Variants in SLC38A4 observed in about 807,000 individuals in gnomAD.
The protein encoded by SLC38A4 is sodium-coupled neutral amino acid transporter 4.
A neutral mutation model predicts 63.1 loss-of-function variants in SLC38A4; 20 were observed. The observed-to-expected ratio is 0.32, with a 90% CI of 0.22 to 0.46. The LOEUF (loss-of-function observed/expected upper bound fraction) is 0.46, where lower values mean the gene tolerates loss of function less well. SLC38A4 is among the 20% of genes least tolerant of loss of function. The probability of loss-of-function intolerance (pLI) is 1.00; values close to 1 mark genes in which losing one functional copy is unlikely to be tolerated. For synonymous variants in SLC38A4, 230 were observed against 225.5 expected, an observed-to-expected ratio of 1.02 and a Z score of -0.18; for missense variants, 526 against 663.6, an observed-to-expected ratio of 0.79 and a Z score of 2.28.
chr12:46,827,091 C>A (rs538173609), upstream of SLC38A4, among the ~76,000 whole-genome samples: 2 of 152,264 alleles, frequency 1.3e-5, no homozygotes, highest in South Asian at 4.1e-4. Flanking sequence ...TCATTTTAAT[C>A]ATGAATACAC....
chr12:46,786,352 G>A (rs1465583514), intron 5 of SLC38A4, among the ~76,000 whole-genome samples: 1 of 151,974 alleles, frequency 6.6e-6, no homozygotes, highest in Non-Finnish European at 1.5e-5. Context: ...GGGCTACTTA[G>A]ACACACAAAA....
chr12:46,776,175 C>A (rs1280249132), intron 13 of SLC38A4, among the ~76,000 whole-genome samples: 1 of 152,018 alleles, frequency 6.6e-6, no homozygotes, highest in Non-Finnish European at 1.5e-5. Flanking sequence ...TATTGATACA[C>A]TGATTCATGT....
intron 5 of SLC38A4, among the ~76,000 whole-genome samples, chr12:46,786,594 T>G (rs983119362): frequency 6.6e-6 from 1 of 152,186 alleles, no homozygotes; most frequent in Admixed American, 6.6e-5. Context: ...CAGCTTTTTT[T>G]GTCTTAGAGG....
Position 46,778,365 on chromosome 12 carries a change from C to G in SLC38A4, c.997G>C (p.Ala333Pro). ...PKYFVFNSRT[A>P]YAIPILVFAF... Reference sequence around the variant, plus strand: ...AATACTAGGATAGGAATTGCATAGGCCGTCTGAAAAACAAAGACAACACCA... The same window carrying G: ...AATACTAGGATAGGAATTGCATAGGGCGTCTGAAAAACAAAGACAACACCA... Residue 333 changes from alanine to proline, a missense_variant, in exon 12 of 17, where the codon GCC becomes CCC. Physicochemically the swap from Ala to Pro is conservative, Grantham distance 27. Transcript: ENST00000266579. 1 of 1,612,582 alleles carries G rather than the reference C, an allele frequency of 6.2e-7. No individual in the cohort carries two copies. The highest frequency in any genetic ancestry group is 8.5e-7 in the Non-Finnish European group (1 of 1,179,124).
In SLC38A4 at chr12:46,769,330, A is replaced by G. The variant is rs1849215379; in HGVS notation, c.1398T>C (p.Val466=). 6.2e-7 allele frequency: 1 copy of G among 1,613,454 alleles called. No individual in the cohort carries two copies. Among genetic ancestry groups the G allele is most frequent in the Non-Finnish European group, 8.5e-7 (1 of 1,179,554 alleles). ...IAAVLIALNN[V]LVILVPTIKY... is the part of the protein sequence containing the mutation. Reference sequence around the variant, plus strand: ...TTATAGTTGGCACAAGGATGACCAGAACATTATTAAGTGCAATAAGCACAG... The same window carrying G: ...TTATAGTTGGCACAAGGATGACCAGGACATTATTAAGTGCAATAAGCACAG... Residue 466 remains valine, a synonymous_variant, in exon 15 of 17, where the codon GTT becomes GTC. Transcript: ENST00000266579.
intron 1 of SLC38A4, among the ~76,000 whole-genome samples, chr12:46,821,672 T>C (rs1939553339): frequency 2.0e-5 from 3 of 152,148 alleles, no homozygotes; most frequent in Non-Finnish European, 4.4e-5. Flanking sequence ...TTGGCTATTT[T>C]GAGTCTTTCA....
At chr12:46,775,233 A>G in intron 13 of SLC38A4, 60 bp from the exon 14 acceptor site, 4 of 1,566,672 alleles carry the variant, frequency 2.6e-6, no homozygotes, top group Non-Finnish European at 3.5e-6. Flanking sequence ...CAGGTCACTT[A>G]TGGCAACATT....
chr12:46,827,633 T>C (rs1415024049), upstream of SLC38A4, among the ~76,000 whole-genome samples: 1 of 152,130 alleles, frequency 6.6e-6, no homozygotes, highest in African/African-American at 2.4e-5. Context: ...CATTAAAAAC[T>C]AAAATCAGAA....
At chr12:46,780,866 C>A (rs1045187504) in intron 7 of SLC38A4, among the ~76,000 whole-genome samples, 1 of 151,996 alleles carries the variant, frequency 6.6e-6, no homozygotes, top group Admixed American at 6.6e-5. Context: ...TGAAGGATAA[C>A]GTTAATTTGT....
chr12:46,788,906 A>G (rs1418394662), intron 3 of SLC38A4, among the ~76,000 whole-genome samples: 1 of 152,212 alleles, frequency 6.6e-6, no homozygotes, highest in Non-Finnish European at 1.5e-5. Context: ...GCTATGCAAG[A>G]GACTACAACT....
At chr12:46,785,689 A>G (rs1043734836) in intron 5 of SLC38A4, among the ~76,000 whole-genome samples, 10 of 151,004 alleles carry the variant, frequency 6.6e-5, no homozygotes, top group African/African-American at 2.4e-4. Context: ...AGGCAGTTGC[A>G]TATATAATAG....
chr12:46,813,119 G>A (rs1939372665), intron 1 of SLC38A4, among the ~76,000 whole-genome samples: 1 of 151,834 alleles, frequency 6.6e-6, no homozygotes, highest in South Asian at 2.1e-4. Flanking sequence ...CATTGGCCCT[G>A]TTTTATTCTG....
chr12:46,824,067 G>T (rs1051870631), intron 1 of SLC38A4, among the ~76,000 whole-genome samples: 4 of 152,136 alleles, frequency 2.6e-5, no homozygotes, highest in African/African-American at 9.7e-5. Context: ...TTTGGGCTCT[G>T]GGTGACCCCT....
chr12:46,814,722 G>A (rs545810613), intron 1 of SLC38A4, among the ~76,000 whole-genome samples: 1 of 152,056 alleles, frequency 6.6e-6, no homozygotes, highest in East Asian at 1.9e-4. Flanking sequence ...TTAGCTGGCA[G>A]CAAGAATGGA....
At chr12:46,831,662 AC>A (rs1198695482) in intron 1 of SLC38A4, among the ~76,000 whole-genome samples, 2 of 152,088 alleles carry the variant, frequency 1.3e-5, no homozygotes, top group African/African-American at 4.8e-5. Context: ...AGGTCAGAGT[AC>A]CCCGCCCGGG....
intron 10 of SLC38A4, 99 bp from the exon 11 acceptor site, chr12:46,778,875 G>C: frequency 7.5e-6 from 8 of 1,067,860 alleles, no homozygotes; most frequent in South Asian, 3.2e-5. Flanking sequence ...GGGGGTGAGG[G>C]AACTCAGTTA....
rs774864568 is a variant in SLC38A4, at chr12:46,792,583, T to C, written c.119+370A>G. ...GGCATATATTTGGAGGGTGAGGCCA[T>C]AGTAGTTGTGAGTGAGCTTGCCCAG... On this transcript the variant is annotated intron_variant, in intron 3 of 16. Transcript: ENST00000266579. 1.1e-4 allele frequency among the ~76,000 whole-genome samples: 17 copies of C among 152,192 alleles called. No homozygotes were observed. In the South Asian group the frequency reaches 1.2e-3, roughly 11 times the overall value.
chr12:46,809,456 C>A (rs1175856816), intron 1 of SLC38A4, among the ~76,000 whole-genome samples: 1 of 152,020 alleles, frequency 6.6e-6, no homozygotes, highest in African/African-American at 2.4e-5. Context: ...AGAGGGCAGG[C>A]TTCTGCCTGA....
intron 1 of SLC38A4, among the ~76,000 whole-genome samples, chr12:46,809,868 AT>A (rs1282148048): frequency 6.6e-6 from 1 of 151,896 alleles, no homozygotes; most frequent in African/African-American, 2.4e-5. Flanking sequence ...AATTATAAGT[AT>A]TCTCCTTTTT....
Sources: allele counts gnomAD v4.1 joint callset (sites outside exome capture counted in the v4.1 genomes callset), GRCh38; gene constraint gnomAD v4.1.1; transcripts MANE v1.5; gene names NCBI Gene and HGNC (gene_info 2026-07-23, HGNC 2026-07-21).